The following RNF115 variants were observed in gnomAD, a reference collection of about 807,000 sequenced individuals.
RNF115 encodes the protein ring finger protein 115.
A neutral mutation model predicts 39.2 loss-of-function variants in RNF115; 31 were observed. The ratio of observed to expected loss-of-function variants is 0.79; its 90% CI spans 0.59 to 1.07. The LOEUF (loss-of-function observed/expected upper bound fraction) is 1.07, where lower values mean the gene tolerates loss of function less well. RNF115 is among the 50% of genes least tolerant of loss of function. The probability of loss-of-function intolerance (pLI) is 0.00; values close to 1 mark genes in which losing one functional copy is unlikely to be tolerated. For missense variants in RNF115, 384 were observed against 381.7 expected (o/e 1.01, Z -0.05); for synonymous variants, 124 against 131.0 (o/e 0.95, Z 0.37).
chr1:145,764,427 T>A (rs1482664529), intron 4 of RNF115, among the ~76,000 whole-genome samples: 1 of 148,730 alleles, frequency 6.7e-6, no homozygotes, highest in East Asian at 2.0e-4. Flanking sequence ...GTCTGAGATG[T>A]GGGGAGCGCC....
chr1:145,787,571 C>CAAAA (rs1192063003), intron 2 of RNF115, among the ~76,000 whole-genome samples: 19 of 88,896 alleles, frequency 2.1e-4, no homozygotes, highest in East Asian at 3.2e-4. Flanking sequence ...GACTCCGTCA[C>CAAAA]AAAAAAAAAA....
rs1657775917 is a variant in RNF115, at chr1:145,743,834, A to C, written c.*3032T>G. 3 of 137,978 alleles carry C rather than the reference A, an allele frequency of 2.2e-5. No individual in the cohort carries two copies. The highest frequency in any genetic ancestry group is 7.4e-5 in the Admixed American group (1 of 13,574). 8.5% of individuals were successfully genotyped at this position (137,978 alleles called of 1,614,324 possible). A position where few individuals can be genotyped will look rare whatever the true frequency, so the allele number is the denominator to read the frequency against. On this transcript the variant is annotated 3_prime_UTR_variant, in exon 9 of 9. Coordinates refer to ENST00000582693, the MANE Select transcript of RNF115 (RefSeq NM_014455.4). The stretch of plus-strand genomic sequence containing the variant: ...AATAAATAATAATAATAATAATAAT[A>C]AATCCCTGAAGAATCCTAACTCCTC...
intron 3 of RNF115, chr1:145,772,783 TG>T (rs1647700356): frequency 6.6e-6 from 1 of 152,210 alleles, no homozygotes; most frequent in Admixed American, 6.5e-5. Flanking sequence ...AAATTTGAAA[TG>T]GTTTTGGCAA....
chr1:145,767,471 C>T (rs1647387128), intron 4 of RNF115, among the ~76,000 whole-genome samples: 1 of 151,376 alleles, frequency 6.6e-6, no homozygotes, highest in African/African-American at 2.4e-5. Flanking sequence ...CGGGCAGAGA[C>T]GCTCCTCACT....
rs1553710927 is a variant in RNF115, at chr1:145,741,120, G to A, written c.*5746C>T. 6.6e-6 allele frequency: 1 copy of A among 152,200 alleles called. No individual in the cohort carries two copies. Among genetic ancestry groups the A allele is most frequent in the African/African-American group, 2.4e-5 (1 of 41,444 alleles). The allele number at this position is 152,200 out of a possible 1,614,324, so 9.4% of individuals were successfully genotyped here. On this transcript the variant is annotated 3_prime_UTR_variant, in exon 9 of 9. Coordinates refer to ENST00000582693, the MANE Select transcript of RNF115 (RefSeq NM_014455.4). ...TCCAAAATGCTGAGATTACAGGCATGAGCCACAATGCCCAGCCAAGAATCT... is the reference window on the plus strand; with the variant it reads ...TCCAAAATGCTGAGATTACAGGCATAAGCCACAATGCCCAGCCAAGAATCT...
chr1:145,788,806 T>C (rs1553718507), intron 2 of RNF115, 102 bp downstream of exon 2: 2 of 845,912 alleles, frequency 2.4e-6, no homozygotes, highest in Admixed American at 3.6e-5. Context: ...GCTCTCTCTG[T>C]AGAGTGTAAG....
chr1:145,786,393 T>C (rs1648381711), intron 2 of RNF115, among the ~76,000 whole-genome samples: 1 of 152,230 alleles, frequency 6.6e-6, no homozygotes. Flanking sequence ...AATATCATAC[T>C]GCCTCTAAGA....
At position 145,783,834 on chromosome 1, in the gene RNF115, A is replaced by T. The variant is rs587757643; in HGVS notation, c.219+705T>A. On this transcript the variant is annotated intron_variant, in intron 3 of 8. Transcript: ENST00000582693. Reference sequence around the variant, plus strand: ...ACAGTTACAATGGTTTCTTTTTTTAAAAAAAAAAAACACAACTAAAGAGAC... The same window carrying T: ...ACAGTTACAATGGTTTCTTTTTTTATAAAAAAAAAACACAACTAAAGAGAC... Among the ~76,000 whole-genome samples, 301 of 150,782 alleles carry T rather than the reference A, an allele frequency of 2.0e-3. 3 individuals carry two copies. Among genetic ancestry groups the T allele is most frequent in the Non-Finnish European group, 2.4e-3 (161 of 67,572 alleles).
rs373548650 is a variant in RNF115, at chr1:145,802,866, CTGA to C, written c.103-13903_103-13901del. Among the ~76,000 whole-genome samples the C allele has an allele frequency of 3.5e-4, 53 of 152,284 alleles. No individual in the cohort carries two copies. The East Asian group carries it at 8.3e-3, about 24-fold the overall frequency. The stretch of plus-strand genomic sequence containing the variant: ...GGCCAGTACCCACTATACTTTTACT[CTGA>C]TGCTAAGTCTCGTCACTAGGTCAAA... On this transcript the variant is annotated intron_variant, in intron 1 of 8. Coordinates refer to ENST00000582693, the MANE Select transcript of RNF115 (RefSeq NM_014455.4).
At chr1:145,758,730 T>C (rs1025764929) in intron 4 of RNF115, among the ~76,000 whole-genome samples, 7 of 152,324 alleles carry the variant, frequency 4.6e-5, no homozygotes, top group Non-Finnish European at 8.8e-5. Flanking sequence ...CACCAGCAGC[T>C]GATCAGCTGA....
At chr1:145,785,315 C>T (rs1648328905) in intron 2 of RNF115, among the ~76,000 whole-genome samples, 1 of 152,184 alleles carries the variant, frequency 6.6e-6, no homozygotes, top group Admixed American at 6.5e-5. Context: ...GCCTCAAATA[C>T]ATGTAGAGTG....
chr1:145,778,406 G>T (rs964541929), intron 3 of RNF115, among the ~76,000 whole-genome samples: 2 of 152,064 alleles, frequency 1.3e-5, no homozygotes, highest in African/African-American at 4.8e-5. Flanking sequence ...TAAATCAGTG[G>T]TAATAGTTGT....
At chr1:145,764,627 G>C (rs1658680974) in intron 4 of RNF115, among the ~76,000 whole-genome samples, 1 of 150,176 alleles carries the variant, frequency 6.7e-6, no homozygotes, top group African/African-American at 2.4e-5. Context: ...TGGGAAGTGA[G>C]GAGCCCCTCC....
chr1:145,766,701 G>A (rs1647301038), intron 4 of RNF115, among the ~76,000 whole-genome samples: 2 of 143,802 alleles, frequency 1.4e-5, no homozygotes, highest in African/African-American at 2.6e-5. Context: ...TCCCGGACGG[G>A]GCGGCTGTCC....
chr1:145,771,592 T>C (rs367963421), intron 4 of RNF115, 119 bp downstream of exon 4: 29 of 758,332 alleles, frequency 3.8e-5, no homozygotes, highest in East Asian at 3.1e-4. Flanking sequence ...TCATCCTTTC[T>C]ACATATGTCC....
intron 4 of RNF115, among the ~76,000 whole-genome samples, chr1:145,767,502 CAG>C (rs1553715158): frequency 1.3e-5 from 2 of 151,602 alleles, no homozygotes; most frequent in South Asian, 4.2e-4. Flanking sequence ...GGCAGCCAGG[CAG>C]AGAGGCTCCT....
intron 8 of RNF115, among the ~76,000 whole-genome samples, chr1:145,747,716 C>G (rs1239500281): frequency 1.3e-5 from 2 of 152,180 alleles, no homozygotes; most frequent in African/African-American, 4.8e-5. Flanking sequence ...TACAACTAAT[C>G]AACTCTGCTG....
chr1:145,775,807 C>G (rs1647857851), intron 3 of RNF115, among the ~76,000 whole-genome samples: 1 of 151,816 alleles, frequency 6.6e-6, no homozygotes, highest in Admixed American at 6.6e-5. Flanking sequence ...ATCAGCCTGG[C>G]CAACATGGTG....
intron 1 of RNF115, among the ~76,000 whole-genome samples, chr1:145,811,376 GAAA>G (rs1161322682): frequency 2.2e-5 from 3 of 137,488 alleles, no homozygotes; most frequent in African/African-American, 5.4e-5. Flanking sequence ...AAAAAAAAAA[GAAA>G]AAAGAAGAAG....
Sources: allele counts gnomAD v4.1 joint callset (sites outside exome capture counted in the v4.1 genomes callset), GRCh38; gene constraint gnomAD v4.1.1; transcripts MANE v1.5; gene names NCBI Gene and HGNC (gene_info 2026-07-23, HGNC 2026-07-21).